AACS: variants seen among roughly 807,000 people sequenced by gnomAD.
AACS encodes acetoacetate-CoA ligase.
AACS carries 69 observed loss-of-function variants against 83.1 expected under a neutral mutation model. The observed-to-expected ratio is 0.83, with a 90% confidence interval of 0.68 to 1.01. The LOEUF (loss-of-function observed/expected upper bound fraction) is 1.01. AACS is among the 50% of genes least tolerant of loss of function. The probability of loss-of-function intolerance (pLI) is 0.00; values close to 1 mark genes in which losing one functional copy is unlikely to be tolerated. For synonymous variants in AACS, 333 were observed against 343.4 expected (o/e 0.97, Z 0.33); for missense variants, 866 against 882.2 (o/e 0.98, Z 0.23).
At chr12:125,071,845 T>G (rs1955872836) in intron 1 of AACS, among the ~76,000 whole-genome samples, 2 of 151,852 alleles carry the variant, frequency 1.3e-5, no homozygotes, top group South Asian at 2.1e-4. Context: ...GCGAATGCAC[T>G]TTTGTGATAC....
intron 3 of AACS, among the ~76,000 whole-genome samples, chr12:125,084,405 CTTTCTTTCCTTTCT>C (rs1392590724): frequency 6.6e-6 from 1 of 151,266 alleles, no homozygotes; most frequent in East Asian, 1.9e-4. Context: ...CTTTCCTTTC[CTTTCTTTCCTTTCT>C]TTTCGACAGG....
Position 125,114,468 on chromosome 12 carries a change from C to G in AACS, c.916-9C>G, listed in dbSNP as rs1304056220. 1.2e-6 allele frequency: 2 copies of G among 1,612,286 alleles called. No homozygotes were observed. The highest frequency in any genetic ancestry group is 1.3e-5 in the African/African-American group (1 of 74,900). On this transcript the variant is annotated splice_polypyrimidine_tract_variant and intron_variant, in intron 8 of 17. Coordinates refer to ENST00000316519, the MANE Select transcript of AACS (RefSeq NM_023928.5). ...AGAGAGCACCCGCTCCCCCGTGTCT[C>G]CCCTGCAGGGCACCCTCATCCAGCA...
intron 3 of AACS, among the ~76,000 whole-genome samples, chr12:125,083,390 C>T (rs896797431): frequency 4.6e-5 from 7 of 152,034 alleles, no homozygotes; most frequent in African/African-American, 1.7e-4. Flanking sequence ...CATCGATTCC[C>T]CAGGTCAGGT....
intron 3 of AACS, among the ~76,000 whole-genome samples, chr12:125,085,196 A>G (rs1956302693): frequency 6.6e-6 from 1 of 152,250 alleles, no homozygotes; most frequent in African/African-American, 2.4e-5. Context: ...AAGGTGGCAG[A>G]GAACCTCGCA....
chr12:125,118,800 C>T (rs1241631916), intron 10 of AACS, 35 bp downstream of exon 10: 2 of 1,609,280 alleles, frequency 1.2e-6, no homozygotes, highest in Non-Finnish European at 1.7e-6. Flanking sequence ...AAGCAAGGGA[C>T]AGGCAGCACC....
intron 5 of AACS, among the ~76,000 whole-genome samples, chr12:125,093,075 GA>G (rs1200137340): frequency 1.3e-5 from 2 of 152,152 alleles, no homozygotes; most frequent in East Asian, 3.9e-4. Flanking sequence ...CGTTTGTGTG[GA>G]GCCGGGGACA....
chr12:125,128,373 A>G, intron 13 of AACS, 99 bp downstream of exon 13: 1 of 1,103,638 alleles, frequency 9.1e-7, no homozygotes, highest in Non-Finnish European at 1.3e-6. Flanking sequence ...GTTCTCCAAA[A>G]CAGCCCTCGG....
At chr12:125,090,303 T>A (rs113326135) in intron 4 of AACS, among the ~76,000 whole-genome samples, 47 of 6,536 alleles carry the variant, frequency 7.2e-3, no homozygotes, top group East Asian at 0.015. Flanking sequence ...TCATTTATCC[T>A]ACCATCCATC....
intron 5 of AACS, among the ~76,000 whole-genome samples, chr12:125,095,060 TC>T (rs1565935119): frequency 1.3e-5 from 2 of 152,010 alleles, no homozygotes; most frequent in Non-Finnish European, 2.9e-5. Context: ...TCTCGCTCGC[TC>T]TGGGTGGCTG....
At chr12:125,083,153 C>T (rs1594586370) in intron 3 of AACS, among the ~76,000 whole-genome samples, 1 of 152,318 alleles carries the variant, frequency 6.6e-6, no homozygotes, top group Admixed American at 6.5e-5. Context: ...GCAGGGGTTG[C>T]AGGCATCTGA....
chr12:125,120,786 T>C (rs149001855), intron 10 of AACS: 1 of 152,234 alleles, frequency 6.6e-6, no homozygotes. Context: ...CAAAAGTGTA[T>C]GTGAAAGTGT....
chr12:125,114,424 C>T, intron 8 of AACS, 53 bp from the exon 9 acceptor site: 1 of 1,512,852 alleles, frequency 6.6e-7, no homozygotes, highest in Non-Finnish European at 9.1e-7. Context: ...TACCAGATTC[C>T]TGGTACTGTA....
intron 7 of AACS, chr12:125,105,871 T>C (rs7970937): frequency 0.53 from 81,212 of 152,146 alleles, 22,003 homozygotes; most frequent in African/African-American, 0.63. Flanking sequence ...TGATTAGATC[T>C]GGCACTTTAT....
chr12:125,095,990 A>C (rs1204300976), intron 5 of AACS, among the ~76,000 whole-genome samples: 1 of 152,016 alleles, frequency 6.6e-6, no homozygotes, highest in East Asian at 1.9e-4. Context: ...TCTGAGACGG[A>C]GTCTCACTCT....
rs1443406368 is a variant in AACS, at chr12:125,141,704, AAAAAAAG to A, written c.1882-381_1882-375del. 390 of 148,666 alleles carry A rather than the reference AAAAAAAG, an allele frequency of 2.6e-3. 1 individual carries two copies. The highest frequency in any genetic ancestry group is 0.011 in the South Asian group (64 of 5,906). 9.2% of individuals were successfully genotyped at this position (148,666 alleles called of 1,614,324 possible). On this transcript the variant is annotated intron_variant, in intron 17 of 17. Coordinates refer to ENST00000316519, the MANE Select transcript of AACS (RefSeq NM_023928.5). ...AGAGTGCGACTCTGTCTCAAAAAAA[AAAAAAAG>A]AAAAAAAAAGAAAAAAAGAAAAATG...
chr12:125,073,145 A>T (rs763838857), intron 1 of AACS, among the ~76,000 whole-genome samples: 8 of 151,754 alleles, frequency 5.3e-5, no homozygotes, highest in Non-Finnish European at 1.0e-4. Flanking sequence ...GGCCAGGCTG[A>T]TCTTGAGCTC....
chr12:125,105,587 T>C (rs1956817262), intron 7 of AACS: 1 of 152,190 alleles, frequency 6.6e-6, no homozygotes. Flanking sequence ...TCATCAGCAG[T>C]TGATATAAAA....
At chr12:125,127,252 G>A (rs1228925358) in intron 12 of AACS, 1 of 152,200 alleles carries the variant, frequency 6.6e-6, no homozygotes, top group Admixed American at 6.5e-5. Context: ...CACCAGCAGA[G>A]TGAGCAGCAG....
At position 125,066,436 on chromosome 12, in the gene AACS, G is replaced by C. The variant is rs1358164171; in HGVS notation, c.133+719G>C. ...CCACCCCTCCACCCTGCCTCCCCTA[G>C]GTATTCCTAGGGGATTTTTTTTTTT... On this transcript the variant is annotated intron_variant, in intron 1 of 17. Coordinates refer to ENST00000316519, the MANE Select transcript of AACS (RefSeq NM_023928.5). Among the ~76,000 whole-genome samples, 10 of 143,934 alleles carry C rather than the reference G, an allele frequency of 6.9e-5. No homozygotes were observed. In the East Asian group the frequency reaches 2.1e-3, roughly 30 times the overall value. The allele number at this position is 143,934 out of a possible 152,430, so 94.4% of individuals were successfully genotyped here.
Sources: gnomAD v4.1 joint callset for allele counts (sites outside exome capture counted in the v4.1 genomes callset) on GRCh38, gnomAD v4.1.1 for gene constraint, MANE v1.5 for transcripts, NCBI Gene and HGNC (gene_info 2026-07-23, HGNC 2026-07-21) for gene names.